The following SPATA13 variants were observed in gnomAD, a reference collection of about 807,000 sequenced individuals.
SPATA13 encodes spermatogenesis-associated protein 13.
SPATA13 carries 50 observed loss-of-function variants against 104.0 expected under a neutral mutation model. The ratio of observed to expected loss-of-function variants is 0.48; its 90% CI spans 0.38 to 0.61. The LOEUF is 0.61. Among genes scored for constraint, SPATA13 ranks in the 20% least tolerant of loss-of-function variants. The pLI is 0.00. For missense variants in SPATA13, 1,524 were observed against 1,690.6 expected, an observed-to-expected ratio of 0.90 and a Z score of 1.73; for synonymous variants, 606 against 667.5, an observed-to-expected ratio of 0.91 and a Z score of 1.42.
intron 3 of SPATA13, among the ~76,000 whole-genome samples, chr13:24,018,838 T>C (rs1223921021): frequency 6.6e-6 from 1 of 152,218 alleles, no homozygotes; most frequent in Admixed American, 6.5e-5. Context: ...TACGAGTGGA[T>C]TATCAGTCAC....
intron 4 of SPATA13, chr13:24,278,795 A>G: frequency 6.2e-7 from 1 of 1,602,096 alleles, no homozygotes; most frequent in Non-Finnish European, 8.5e-7. Context: ...AGAAAAGAAA[A>G]AAAATGTGCA....
rs765295113 is a variant in SPATA13, at chr13:24,249,652, C to T, written c.1829C>T (p.Ala610Val). The change falls in exon 3 of 13, where the codon GCA (alanine) becomes GTA (valine). Residue 610 changes from alanine (A) to valine (V), a missense_variant. Physicochemically the swap from Ala to Val is moderately conservative, Grantham distance 64. Around this residue, in one of 2 missense-constraint regions of SPATA13, gnomAD observed 1,089 missense variants for 1,135.9 expected, o/e 0.96. Transcript: ENST00000382108. ...SLSIPEDSVA[A>V]DPQKEDRVDE... is the part of the protein sequence containing the mutation. ...TCTATTCCTGAAGACTCGGTTGCTG[C>T]AGACCCCCAGAAGGAAGACCGTGTG... 1 of 1,613,596 alleles carries T rather than the reference C, an allele frequency of 6.2e-7. No individual in the cohort carries two copies. The highest frequency in any genetic ancestry group is 1.1e-5 in the South Asian group (1 of 91,078).
At chr13:24,114,418 G>A (rs1263016757) in intron 3 of SPATA13, among the ~76,000 whole-genome samples, 1 of 91,424 alleles carries the variant, frequency 1.1e-5, no homozygotes, top group African/African-American at 3.1e-5. Context: ...TGTAGAGCCT[G>A]TCCTAGTGCC....
chr13:24,213,065 C>A (rs1336730921), intron 1 of SPATA13, among the ~76,000 whole-genome samples: 4 of 152,228 alleles, frequency 2.6e-5, no homozygotes, highest in Non-Finnish European at 5.9e-5. Context: ...GTCGGCCCGT[C>A]TCCACAGCAC....
rs563524583 is a variant in SPATA13 at position 24,134,287 on chromosome 13, T to A, written c.-111-88532T>A. 2.1e-3 allele frequency among the ~76,000 whole-genome samples: 314 copies of A among 152,328 alleles called. 1 individual carries two copies. Among genetic ancestry groups the A allele is most frequent in the African/African-American group, 6.9e-3 (286 of 41,572 alleles). ...TGTTGGTTTCTGGGGCTTTTCCAAG[T>A]ACCCTAAAACCACACCATGAAAAGT... On this transcript the variant is annotated intron_variant, in intron 3 of 14. Coordinates refer to the SPATA13 transcript ENST00000424834.
At chr13:24,270,852 A>T (rs774157504) in intron 4 of SPATA13, 1 of 1,612,884 alleles carries the variant, frequency 6.2e-7, no homozygotes, top group East Asian at 2.2e-5. Context: ...TTTTCCAAAC[A>T]GAAGGATGGT....
chr13:24,123,453 T>C (rs1881107094), intron 3 of SPATA13: 3 of 1,502,356 alleles, frequency 2.0e-6, no homozygotes, highest in South Asian at 1.1e-5. Flanking sequence ...CTGATCGTTA[T>C]AGATCTTTTT....
intron 3 of SPATA13, among the ~76,000 whole-genome samples, chr13:24,074,146 T>TCC (rs1879251052): frequency 1.3e-5 from 2 of 152,058 alleles, no homozygotes; most frequent in African/African-American, 4.8e-5. Flanking sequence ...GATCTGAAAC[T>TCC]GTCTTCATTA....
chr13:24,060,461 A>G (rs559087075), intron 3 of SPATA13, among the ~76,000 whole-genome samples: 1 of 152,216 alleles, frequency 6.6e-6, no homozygotes, highest in East Asian at 1.9e-4. Flanking sequence ...TAAATGTAAA[A>G]CCCAAAGCTA....
At chr13:24,271,749 G>A (rs1024529377) in intron 4 of SPATA13, among the ~76,000 whole-genome samples, 3 of 152,160 alleles carry the variant, frequency 2.0e-5, no homozygotes, top group African/African-American at 7.2e-5. Context: ...AGATGCCAGC[G>A]CCTCGCCTGA....
At chr13:24,201,003 C>T (rs1273402112) in intron 1 of SPATA13, among the ~76,000 whole-genome samples, 2 of 146,474 alleles carry the variant, frequency 1.4e-5, no homozygotes, top group Non-Finnish European at 3.0e-5. Flanking sequence ...TTTGCACGCT[C>T]ATGTGAATTT....
At chr13:24,160,110 A>G (rs1016884869), upstream of SPATA13, among the ~76,000 whole-genome samples, 1 of 151,958 alleles carries the variant, frequency 6.6e-6, no homozygotes, top group African/African-American at 2.4e-5. Flanking sequence ...AAAAATCCCT[A>G]CCCTGCGTTT....
chr13:24,246,282 T>G (rs1566170509), intron 2 of SPATA13, among the ~76,000 whole-genome samples: 1 of 152,242 alleles, frequency 6.6e-6, no homozygotes, highest in Non-Finnish European at 1.5e-5. Context: ...TGTACTTAAG[T>G]TGTCTGTGCC....
At chr13:24,249,958 C>A (rs1873392417) in intron 3 of SPATA13, 116 bp downstream of exon 3, 1 of 1,373,538 alleles carries the variant, frequency 7.3e-7, no homozygotes, top group East Asian at 2.4e-5. Flanking sequence ...AGGGCGGCAC[C>A]ATGTACTTAA....
intron 2 of SPATA13, among the ~76,000 whole-genome samples, chr13:24,012,270 C>T (rs1046347122): frequency 6.6e-6 from 1 of 152,352 alleles, no homozygotes; most frequent in East Asian, 1.9e-4. Context: ...TAACTACTTT[C>T]TACTTAAGGA....
intron 1 of SPATA13, among the ~76,000 whole-genome samples, chr13:24,183,953 A>G (rs543585915): frequency 6.6e-6 from 1 of 152,260 alleles, no homozygotes; most frequent in South Asian, 2.1e-4. Flanking sequence ...CACACACAGC[A>G]CATTGAGCAG....
chr13:24,110,993 G>A (rs1036035336), intron 3 of SPATA13, among the ~76,000 whole-genome samples: 7 of 152,026 alleles, frequency 4.6e-5, no homozygotes, highest in African/African-American at 1.7e-4. Context: ...TCCTAGCCTC[G>A]AACTCCTGAA....
At position 24,249,562 on chromosome 13, in the gene SPATA13, G is replaced by T; in HGVS notation, c.1739G>T (p.Gly580Val). The T allele has an allele frequency of 3.1e-6, 5 of 1,613,854 alleles. No individual in the cohort carries two copies. The highest frequency in any genetic ancestry group is 4.2e-6 in the Non-Finnish European group (5 of 1,179,778). ...CAGAGAACCCCCAAGAGGAGATGGG[G>T]CTCTGGGAGACGGCCAAGGCCTCGG... The part of the protein sequence containing the change: ...EAQRTPKRRW[G>V]SGRRPRPRPF... Residue 580 changes from glycine to valine, a missense_variant, in exon 3 of 13, where the codon GGC (glycine) becomes GTC (valine). Around this residue, in one of 2 missense-constraint regions of SPATA13, gnomAD observed 1,089 missense variants for 1,135.9 expected, o/e 0.96. Transcript: ENST00000382108.
intron 4 of SPATA13, among the ~76,000 whole-genome samples, chr13:24,279,757 A>G (rs2138717686): frequency 6.6e-6 from 1 of 152,332 alleles, no homozygotes; most frequent in East Asian, 1.9e-4. Flanking sequence ...AAGGTCATTT[A>G]GTTAGGAAGT....
Sources: gnomAD v4.1 joint callset for allele counts (sites outside exome capture counted in the v4.1 genomes callset) on GRCh38, gnomAD v4.1.1 for gene constraint, gnomAD v4.1.1 regional missense constraint, MANE v1.5 for transcripts, NCBI Gene and HGNC (gene_info 2026-07-23, HGNC 2026-07-21) for gene names.